Variants in CDH13 observed in about 807,000 individuals in gnomAD.
The protein encoded by CDH13 is cadherin-13.
Under a neutral mutation model 63.8 loss-of-function variants are expected in CDH13, and 24 were observed. The observed-to-expected ratio is 0.38, with a 90% CI of 0.27 to 0.53. The LOEUF is 0.53. Ranked by LOEUF, CDH13 falls within the 20% of genes least tolerant of loss-of-function variation. The pLI, the probability that CDH13 is intolerant of heterozygous loss-of-function variation, is 0.85. For synonymous variants in CDH13, 503 were observed against 355.3 expected, an observed-to-expected ratio of 1.42 and a Z score of -4.67; for missense variants, 1,049 against 903.1, an observed-to-expected ratio of 1.16 and a Z score of -2.07.
At chr16:83,508,767 GT>G (rs535361829) in intron 7 of CDH13, among the ~76,000 whole-genome samples, 98 of 152,238 alleles carry the variant, frequency 6.4e-4, no homozygotes, top group African/African-American at 2.1e-3. Flanking sequence ...TCTTAAGATT[GT>G]ATCCTGAATA....
intron 1 of CDH13, among the ~76,000 whole-genome samples, chr16:82,856,966 C>T (rs554272733): frequency 2.0e-5 from 3 of 152,234 alleles, no homozygotes; most frequent in Middle Eastern, 3.4e-3. Flanking sequence ...GGACCACTCC[C>T]AGGATGTTAA....
chr16:83,215,420 G>C (rs4783337), intron 4 of CDH13, among the ~76,000 whole-genome samples: 127,691 of 151,330 alleles, frequency 0.84, 55,501 homozygotes, highest in East Asian at 0.97. Flanking sequence ...CCAATTTTCA[G>C]TTACTCTTAA....
At chr16:82,770,878 T>A (rs945920402) in intron 1 of CDH13, among the ~76,000 whole-genome samples, 1 of 152,002 alleles carries the variant, frequency 6.6e-6, no homozygotes, top group African/African-American at 2.4e-5. Context: ...CGGCTAATGT[T>A]TTGTATTTTA....
intron 2 of CDH13, among the ~76,000 whole-genome samples, chr16:82,986,393 TAA>T (rs937395672): frequency 2.0e-5 from 3 of 152,236 alleles, no homozygotes; most frequent in Non-Finnish European, 4.4e-5. Flanking sequence ...ACTGTGTATA[TAA>T]AAGTCATTGT....
chr16:82,962,720 G>C (rs1227817497), intron 2 of CDH13, among the ~76,000 whole-genome samples: 1 of 152,178 alleles, frequency 6.6e-6, no homozygotes, highest in African/African-American at 2.4e-5. Flanking sequence ...TTTCATTTCT[G>C]AAAACTGGTT....
At chr16:83,722,995 G>C (rs930649861) in intron 10 of CDH13, among the ~76,000 whole-genome samples, 3 of 152,166 alleles carry the variant, frequency 2.0e-5, no homozygotes, top group South Asian at 4.1e-4. Context: ...TGACCTTCTA[G>C]TTTCACAGTA....
At chr16:83,647,176 G>A (rs1412226034) in intron 8 of CDH13, among the ~76,000 whole-genome samples, 1 of 151,980 alleles carries the variant, frequency 6.6e-6, no homozygotes, top group Non-Finnish European at 1.5e-5. Context: ...CAGGCGTGGT[G>A]GCAGGCGCCT....
intron 6 of CDH13, among the ~76,000 whole-genome samples, chr16:83,439,183 GT>G: frequency 6.6e-6 from 1 of 152,240 alleles, no homozygotes; most frequent in Admixed American, 6.5e-5. Context: ...ATATTCTAAT[GT>G]TTTATTGGAA....
intron 2 of CDH13, among the ~76,000 whole-genome samples, chr16:83,011,464 C>A (rs758362321): frequency 6.6e-6 from 1 of 152,180 alleles, no homozygotes; most frequent in Non-Finnish European, 1.5e-5. Context: ...AAAGCCCTTC[C>A]TCTCACATAT....
At chr16:83,075,859 C>G (rs1307107631) in intron 3 of CDH13, among the ~76,000 whole-genome samples, 1 of 152,146 alleles carries the variant, frequency 6.6e-6, no homozygotes, top group Non-Finnish European at 1.5e-5. Context: ...AGTTAAAGCT[C>G]TTTGATACTG....
At chr16:83,515,636 C>T (rs2074682905) in intron 7 of CDH13, among the ~76,000 whole-genome samples, 1 of 152,130 alleles carries the variant, frequency 6.6e-6, no homozygotes, top group Non-Finnish European at 1.5e-5. Context: ...TTCTCAAATG[C>T]TTAGAATTTC....
At chr16:82,635,422 G>A (rs1452626534) in intron 1 of CDH13, among the ~76,000 whole-genome samples, 1 of 152,182 alleles carries the variant, frequency 6.6e-6, no homozygotes, top group Non-Finnish European at 1.5e-5. Flanking sequence ...CTATTCAGGG[G>A]AAACACCACA....
chr16:83,715,495 C>G (rs949203390), intron 10 of CDH13, among the ~76,000 whole-genome samples: 1 of 152,242 alleles, frequency 6.6e-6, no homozygotes. Context: ...CTTGGTAAGT[C>G]TCCTTCCTGG....
chr16:83,504,452 G>T (rs999175919), intron 7 of CDH13, among the ~76,000 whole-genome samples: 1 of 152,222 alleles, frequency 6.6e-6, no homozygotes, highest in Non-Finnish European at 1.5e-5. Flanking sequence ...AAGACACTCA[G>T]CCTGTCCAGT....
At chr16:83,420,628 A>G (rs1181182496) in intron 6 of CDH13, among the ~76,000 whole-genome samples, 1 of 152,212 alleles carries the variant, frequency 6.6e-6, no homozygotes, top group Non-Finnish European at 1.5e-5. Flanking sequence ...CTAATAGGAT[A>G]TGTGTATATA....
intron 2 of CDH13, among the ~76,000 whole-genome samples, chr16:82,922,338 C>T (rs1042190297): frequency 6.6e-6 from 1 of 152,126 alleles, no homozygotes; most frequent in Non-Finnish European, 1.5e-5. Context: ...TAAGGAAAGA[C>T]ACAGAATATA....
rs1015584600 is a variant in CDH13, at chr16:83,047,085, A to G, written c.366+14867A>G. ...AGTCAGGCAAATTAGGATTCCTTTG[A>G]CAGCAACTTTTTACAACTTCCTTCC... On this transcript the variant is annotated intron_variant, in intron 3 of 13. Transcript: ENST00000567109. The surrounding 1 kb of genome is among the most constrained non-coding windows in gnomAD (Gnocchi z 4.9). 6.6e-6 allele frequency among the ~76,000 whole-genome samples: 1 copy of G among 152,184 alleles called. No homozygotes were observed. Among genetic ancestry groups the G allele is most frequent in the Non-Finnish European group, 1.5e-5 (1 of 68,030 alleles).
rs67135267 is a variant in CDH13, at chr16:83,134,544, GGAGAGAGAGAGAGAGA to G, written c.483+9077_483+9092del. ...GATTTTATGTGGGGATGGGGTGGGG[GGAGAGAGAGAGAGAGA>G]GAGAGAGAGAGAGAGAGAGAGAGAG... On this transcript the variant is annotated intron_variant, in intron 4 of 13. Coordinates refer to ENST00000567109, the MANE Select transcript of CDH13 (RefSeq NM_001257.5). Among the ~76,000 whole-genome samples the G allele has an allele frequency of 7.0e-4, 59 of 84,360 alleles. 1 individual carries two copies. Among genetic ancestry groups the G allele is most frequent in the South Asian group, 2.9e-3 (5 of 1,754 alleles). The allele number at this position is 84,360 out of a possible 152,430, so 55.3% of individuals were successfully genotyped here.
intron 5 of CDH13, among the ~76,000 whole-genome samples, chr16:83,261,411 T>C (rs889427671): frequency 6.6e-6 from 1 of 151,998 alleles, no homozygotes; most frequent in African/African-American, 2.4e-5. Flanking sequence ...CACAGCTGGG[T>C]TGGGGGGTTG....
Sources: allele counts gnomAD v4.1 joint callset (sites outside exome capture counted in the v4.1 genomes callset), GRCh38; gene constraint gnomAD v4.1.1; non-coding constraint Gnocchi (gnomAD v3.1); transcripts MANE v1.5; gene names NCBI Gene and HGNC (gene_info 2026-07-23, HGNC 2026-07-21).